Variants in LHFPL3 observed in about 807,000 individuals in gnomAD.
The protein encoded by LHFPL3 is LHFPL tetraspan subfamily member 3, also known as LHFPL tetraspan subfamily member 3 protein.
LHFPL3 carries 5 observed loss-of-function variants against 19.3 expected under a neutral mutation model. The ratio of observed to expected loss-of-function variants is 0.26; its 90% confidence interval spans 0.14 to 0.54. The LOEUF is 0.54. LHFPL3 is among the 20% of genes least tolerant of loss of function. LHFPL3 has a pLI of 0.94. For missense variants in LHFPL3, 249 were observed against 307.4 expected (o/e 0.81, Z 1.42); for synonymous variants, 133 against 126.2 (o/e 1.05, Z -0.36).
chr7:104,797,596 C>A (rs1410630541), intron 2 of LHFPL3, among the ~76,000 whole-genome samples: 1 of 151,732 alleles, frequency 6.6e-6, no homozygotes, highest in Admixed American at 6.6e-5. Flanking sequence ...TTCCAATATA[C>A]CTTAGTCTGT....
intron 1 of LHFPL3, among the ~76,000 whole-genome samples, chr7:104,600,063 C>T (rs1397791763): frequency 6.6e-6 from 1 of 152,172 alleles, no homozygotes; most frequent in Non-Finnish European, 1.5e-5. Context: ...TCATGGCCTG[C>T]TGTCTGTGTA....
chr7:104,493,203 A>C (rs1264780782), intron 1 of LHFPL3, among the ~76,000 whole-genome samples: 3 of 152,096 alleles, frequency 2.0e-5, no homozygotes, highest in African/African-American at 7.2e-5. Flanking sequence ...ACTCGAGGGA[A>C]TCTGGCCCCC....
chr7:104,901,193 T>C (rs1382350986), intron 2 of LHFPL3, among the ~76,000 whole-genome samples: 1 of 152,226 alleles, frequency 6.6e-6, no homozygotes, highest in African/African-American at 2.4e-5. Context: ...TTTGAAGAGC[T>C]AGTCCTTGCC....
intron 1 of LHFPL3, among the ~76,000 whole-genome samples, chr7:104,413,706 T>A (rs149288326): frequency 6.6e-6 from 1 of 152,334 alleles, no homozygotes; most frequent in East Asian, 1.9e-4. Context: ...GTGAAGCCTT[T>A]CTAGGCTGGT....
At chr7:104,616,150 A>G (rs894931747) in intron 1 of LHFPL3, among the ~76,000 whole-genome samples, 1 of 152,166 alleles carries the variant, frequency 6.6e-6, no homozygotes, top group Non-Finnish European at 1.5e-5. Context: ...TAAATTTTAT[A>G]TGTAATCAAA....
At chr7:104,884,182 G>C (rs1222497327) in intron 2 of LHFPL3, among the ~76,000 whole-genome samples, 1 of 152,188 alleles carries the variant, frequency 6.6e-6, no homozygotes, top group African/African-American at 2.4e-5. Context: ...GAAGCCTGGG[G>C]TTGTAGGGTG....
In LHFPL3 at chr7:104,329,138, T is replaced by C. The variant is rs1486964691; in HGVS notation, c.359T>C (p.Ile120Thr). Residue 120 changes from isoleucine to threonine, a missense_variant, in exon 1 of 3, where the codon ATT becomes ACT. By Grantham distance (89) the Ile-to-Thr change is moderately conservative. Transcript: ENST00000424859. ...ATCGGCCTCTCCATGATGCTCATCA[T>C]TGCCTGCATCATTTGCTTTACCCTC... ...FFIGLSMMLI[I>T]ACIICFTLFF... 2.5e-6 allele frequency: 4 copies of C among 1,614,082 alleles called. No individual in the cohort carries two copies. Among genetic ancestry groups the C allele is most frequent in the Non-Finnish European group, 3.4e-6 (4 of 1,179,890 alleles).
chr7:104,769,478 C>T (rs1794512061), intron 2 of LHFPL3, among the ~76,000 whole-genome samples: 2 of 152,202 alleles, frequency 1.3e-5, no homozygotes, highest in South Asian at 4.1e-4. Context: ...TATTATTATA[C>T]TTTAAGTTCT....
intron 1 of LHFPL3, among the ~76,000 whole-genome samples, chr7:104,461,383 T>C (rs1245858826): frequency 2.0e-5 from 3 of 152,152 alleles, no homozygotes; most frequent in Non-Finnish European, 4.4e-5. Flanking sequence ...TTTTTGTATA[T>C]GGTGTAAGGA....
chr7:104,514,428 G>A (rs1364607508), intron 1 of LHFPL3, among the ~76,000 whole-genome samples: 1 of 152,150 alleles, frequency 6.6e-6, no homozygotes, highest in Admixed American at 6.6e-5. Flanking sequence ...AATCTCATCT[G>A]TTATTGCTCA....
intron 2 of LHFPL3, among the ~76,000 whole-genome samples, chr7:104,894,147 GCT>G (rs1792307699): frequency 6.6e-6 from 1 of 152,132 alleles, no homozygotes; most frequent in Non-Finnish European, 1.5e-5. Flanking sequence ...ATCTGCCTTT[GCT>G]CTTTGTTATC....
chr7:104,510,859 T>C (rs552196987), intron 1 of LHFPL3, among the ~76,000 whole-genome samples: 1 of 152,194 alleles, frequency 6.6e-6, no homozygotes, highest in African/African-American at 2.4e-5. Flanking sequence ...TGAGAATACA[T>C]GGACACATAG....
rs557601077 is a variant in LHFPL3, at chr7:104,718,580, G to A, written c.446-18095G>A. On this transcript the variant is annotated intron_variant, in intron 1 of 2. Coordinates refer to ENST00000424859, the MANE Select transcript of LHFPL3 (RefSeq NM_199000.3). ...GTAAGCCAGGGTGGAGAGTGAGAATGCCTCCCTCTCTCCACCTGCTGTGCA... is the reference window on the plus strand; with the variant it reads ...GTAAGCCAGGGTGGAGAGTGAGAATACCTCCCTCTCTCCACCTGCTGTGCA... 3.5e-4 allele frequency among the ~76,000 whole-genome samples: 54 copies of A among 152,280 alleles called. 2 individuals carry two copies. In the South Asian group the frequency reaches 0.01, roughly 29 times the overall value.
intron 1 of LHFPL3, among the ~76,000 whole-genome samples, chr7:104,721,759 T>A (rs983895684): frequency 1.3e-5 from 2 of 152,214 alleles, no homozygotes; most frequent in Admixed American, 1.3e-4. Flanking sequence ...GAAAAATTCC[T>A]CTTTGCAGAA....
At chr7:104,460,312 C>T (rs995141900) in intron 1 of LHFPL3, among the ~76,000 whole-genome samples, 6 of 152,118 alleles carry the variant, frequency 3.9e-5, no homozygotes, top group Non-Finnish European at 7.4e-5. Flanking sequence ...AGTGAACATT[C>T]ACATGTGTGT....
In LHFPL3 at chr7:104,871,861, T is replaced by C. The variant is rs149814796; in HGVS notation, c.683-34326T>C. Among the ~76,000 whole-genome samples the C allele has an allele frequency of 5.6e-3, 846 of 152,088 alleles. 8 individuals are homozygous for C. Among genetic ancestry groups the C allele is most frequent in the African/African-American group, 0.02 (811 of 41,490 alleles). On this transcript the variant is annotated intron_variant, in intron 2 of 2. Transcript: ENST00000424859. ...TTAGTAGAGACAGGGTTACTCCATG[T>C]TGGTCAGGCTGGTCTCGAACTCCTG...
chr7:104,378,039 G>T (rs983141851), intron 1 of LHFPL3, among the ~76,000 whole-genome samples: 5 of 152,084 alleles, frequency 3.3e-5, no homozygotes, highest in African/African-American at 1.2e-4. Flanking sequence ...GCTCTCTTGA[G>T]GTAGAATTTA....
chr7:104,448,135 T>C (rs10239251), intron 1 of LHFPL3, among the ~76,000 whole-genome samples: 25,772 of 152,154 alleles, frequency 0.17, 2,179 homozygotes, highest in Middle Eastern at 0.21. Context: ...GTCATGGATA[T>C]AGCTTCTATT....
chr7:104,400,853 GA>G (rs1223514348), intron 1 of LHFPL3, among the ~76,000 whole-genome samples: 10 of 151,956 alleles, frequency 6.6e-5, no homozygotes, highest in Admixed American at 4.6e-4. Context: ...ATATCATTTG[GA>G]ATCATTTTTA....
Sources: allele counts gnomAD v4.1 joint callset (sites outside exome capture counted in the v4.1 genomes callset), GRCh38; gene constraint gnomAD v4.1.1; transcripts MANE v1.5; gene names NCBI Gene and HGNC (gene_info 2026-07-23, HGNC 2026-07-21).